ECPAS: variants seen among roughly 807,000 people sequenced by gnomAD.
The protein encoded by ECPAS is Ecm29 proteasome adaptor and scaffold.
A neutral mutation model predicts 255.1 loss-of-function variants in ECPAS; 70 were observed. The observed-to-expected ratio is 0.27, with a 90% CI of 0.23 to 0.33. The LOEUF is 0.33. Ranked by LOEUF, ECPAS falls within the 10% of genes least tolerant of loss-of-function variation. The pLI is 1.00. For synonymous variants in ECPAS, 784 were observed against 775.0 expected (o/e 1.01, Z -0.19); for missense variants, 1,817 against 2,206.4 (o/e 0.82, Z 3.54).
intron 16 of ECPAS, among the ~76,000 whole-genome samples, chr9:111,418,366 G>A (rs2098207804): frequency 6.6e-6 from 1 of 151,876 alleles, no homozygotes; most frequent in Non-Finnish European, 1.5e-5. Flanking sequence ...CTATCCAGTG[G>A]TCTACACACT....
At chr9:111,382,325 C>T (rs1391064602) in intron 35 of ECPAS, among the ~76,000 whole-genome samples, 5 of 139,756 alleles carry the variant, frequency 3.6e-5, no homozygotes, top group African/African-American at 1.4e-4. Context: ...AGTGCAATGG[C>T]GCAATCTGGG....
At chr9:111,449,437 A>T (rs1407026989) in intron 3 of ECPAS, among the ~76,000 whole-genome samples, 1 of 152,172 alleles carries the variant, frequency 6.6e-6, no homozygotes, top group East Asian at 1.9e-4. Context: ...TTCAGTAAAC[A>T]TTTAAAATCT....
At chr9:111,448,774 A>T (rs1714961127) in intron 3 of ECPAS, among the ~76,000 whole-genome samples, 1 of 152,186 alleles carries the variant, frequency 6.6e-6, no homozygotes, top group African/African-American at 2.4e-5. Context: ...CAATAAAACC[A>T]GGCAAATTTT....
At position 111,373,942 on chromosome 9, in the gene ECPAS, A is replaced by G. The variant is rs1191846190; in HGVS notation, c.4177+30T>C. ...TCACACAAGACAGGGCTGTGCAAAA[A>G]TATCACCACACATCCCTTGACAAAC... is the stretch of plus-strand genomic sequence containing the variant. On this transcript the variant is annotated intron_variant, in intron 39 of 49. Coordinates refer to ENST00000684092, the MANE Select transcript of ECPAS (RefSeq NM_001364929.1). 5 of 1,563,728 alleles carry G rather than the reference A, an allele frequency of 3.2e-6. No homozygotes were observed. The East Asian group carries it at 6.7e-5, about 21-fold the overall frequency.
intron 10 of ECPAS, 74 bp from the exon 11 acceptor site, chr9:111,425,902 T>A: frequency 1.4e-6 from 1 of 735,444 alleles, no homozygotes; most frequent in Admixed American, 2.2e-5. Flanking sequence ...GTAATCAGAA[T>A]TCAGCAGCAG....
Position 111,430,308 on chromosome 9 carries a change from T to C in ECPAS, c.930+239A>G, listed in dbSNP as rs184468418. On this transcript the variant is annotated intron_variant, in intron 9 of 49. Transcript: ENST00000684092. ...AGCCTACAAAATTTACAGAAAAAAT[T>C]TGTCAATCCCTACTCTAGACAGTTT... 1.5e-4 allele frequency among the ~76,000 whole-genome samples: 23 copies of C among 152,232 alleles called. No individual in the cohort carries two copies. In the East Asian group the frequency reaches 3.1e-3, roughly 20 times the overall value.
chr9:111,444,314 A>T, intron 4 of ECPAS, 64 bp downstream of exon 4: 2 of 1,075,304 alleles, frequency 1.9e-6, no homozygotes, highest in Non-Finnish European at 2.8e-6. Context: ...TGTTGATGAC[A>T]TCTAATAAAT....
intron 12 of ECPAS, among the ~76,000 whole-genome samples, chr9:111,424,825 G>A (rs972326122): frequency 6.6e-6 from 1 of 152,128 alleles, no homozygotes; most frequent in Non-Finnish European, 1.5e-5. Flanking sequence ...TTCCATTTTT[G>A]CACAATAGCT....
chr9:111,376,483 A>G lies in ECPAS; in HGVS notation c.4013T>C (p.Ile1338Thr). The change falls in exon 37 of 50, where the codon ATC becomes ACC. Residue 1338 changes from isoleucine (I) to threonine (T), a missense_variant. By Grantham distance (89) the Ile-to-Thr change is moderately conservative. Transcript: ENST00000684092. ...AAKSSPMMET[I>T]NMCLQYLDVS... Reference sequence around the variant, plus strand: ...ATTATTTAAGACACTCACCATGTTGATTGTTTCCATCATTGGAGAAGATTT... The same window carrying G: ...ATTATTTAAGACACTCACCATGTTGGTTGTTTCCATCATTGGAGAAGATTT... 6.3e-7 allele frequency: 1 copy of G among 1,594,122 alleles called. No individual in the cohort carries two copies. Among genetic ancestry groups the G allele is most frequent in the Non-Finnish European group, 8.6e-7 (1 of 1,169,382 alleles).
intron 2 of ECPAS, among the ~76,000 whole-genome samples, chr9:111,460,382 C>T (rs1357707699): frequency 1.3e-5 from 2 of 152,140 alleles, no homozygotes; most frequent in African/African-American, 4.8e-5. Flanking sequence ...AACATTATAT[C>T]TAAAGGTAAA....
intron 2 of ECPAS, among the ~76,000 whole-genome samples, chr9:111,460,871 T>C (rs545442281): frequency 6.6e-6 from 1 of 152,222 alleles, no homozygotes; most frequent in African/African-American, 2.4e-5. Flanking sequence ...CTATAGACAA[T>C]ATAATCCAAG....
At position 111,369,112 on chromosome 9, in the gene ECPAS, T is replaced by C. The variant is rs1333251879; in HGVS notation, c.5036A>G (p.Lys1679Arg). The C allele has an allele frequency of 2.5e-6, 4 of 1,607,012 alleles. No homozygotes were observed. In the Admixed American group the frequency reaches 6.8e-5, roughly 27 times the overall value. ...TKNEEENEKE[K>R]ELQLEYLLGA... ...CAGCAGATATTCCAGCTGGAGCTCC[T>C]TTTCCTTTTCATTCTCCTCTTCATT... The change falls in exon 46 of 50, where the codon AAG (lysine) becomes AGG (arginine). Residue 1679 changes from lysine (K) to arginine (R), a missense_variant. Coordinates refer to ENST00000684092, the MANE Select transcript of ECPAS (RefSeq NM_001364929.1).
rs187294925 is a variant in ECPAS, at chr9:111,374,924, A to T, written c.4110+189T>A. On this transcript the variant is annotated intron_variant, in intron 38 of 49. Coordinates refer to ENST00000684092, the MANE Select transcript of ECPAS (RefSeq NM_001364929.1). ...ACTAAATAAGTTAATACTTACTGGA[A>T]CAGTTAGATGTTTTATTTCTTGAAC... 1.9e-3 allele frequency among the ~76,000 whole-genome samples: 285 copies of T among 152,342 alleles called. 4 individuals are homozygous for T. The highest frequency in any genetic ancestry group is 6.1e-3 in the African/African-American group (252 of 41,580).
At chr9:111,458,830 T>A (rs1209540987) in intron 2 of ECPAS, among the ~76,000 whole-genome samples, 1 of 152,176 alleles carries the variant, frequency 6.6e-6, no homozygotes, top group Non-Finnish European at 1.5e-5. Flanking sequence ...ACACAAGCTT[T>A]GCATCTGGAA....
chr9:111,403,260 T>C (rs192410196), intron 24 of ECPAS, among the ~76,000 whole-genome samples: 1 of 151,150 alleles, frequency 6.6e-6, no homozygotes, highest in Admixed American at 6.6e-5. Flanking sequence ...CTTAGGAGGC[T>C]GAGGCAGGAG....
chr9:111,472,931 C>T lies in ECPAS; in HGVS notation c.-13G>A. 1.6e-6 allele frequency: 2 copies of T among 1,250,630 alleles called. No individual in the cohort carries two copies. The highest frequency in any genetic ancestry group is 2.1e-6 in the Non-Finnish European group (2 of 968,778). 77.5% of individuals were successfully genotyped at this position (1,250,630 alleles called of 1,614,324 possible). ...CAATGTGATACATGGTTTATCCAATCTTGACAAAAATCCTCGGGATCACCA... is the reference window on the plus strand; with the variant it reads ...CAATGTGATACATGGTTTATCCAATTTTGACAAAAATCCTCGGGATCACCA... On this transcript the variant is annotated 5_prime_UTR_variant, in exon 2 of 50. Coordinates refer to ENST00000684092, the MANE Select transcript of ECPAS (RefSeq NM_001364929.1).
Position 111,484,255 on chromosome 9 carries a change from G to A in ECPAS, c.-222C>T. ...TGAGGGGCTGGGCCGAGCGGGCCCG[G>A]GCTGCCCTAGCGGCCGGGGGAAATC... On this transcript the variant is annotated 5_prime_UTR_variant, in exon 1 of 50. Coordinates refer to ENST00000684092, the MANE Select transcript of ECPAS (RefSeq NM_001364929.1). 6.7e-7 allele frequency: 1 copy of A among 1,492,374 alleles called. No homozygotes were observed. Among genetic ancestry groups the A allele is most frequent in the Middle Eastern group, 2.0e-4 (1 of 4,934 alleles). The allele number at this position is 1,492,374 out of a possible 1,614,324, so 92.4% of individuals were successfully genotyped here.
intron 2 of ECPAS, among the ~76,000 whole-genome samples, chr9:111,454,212 AAAG>A (rs1433372079): frequency 1.3e-5 from 2 of 151,728 alleles, no homozygotes; most frequent in African/African-American, 4.8e-5. Flanking sequence ...AGAAACTGTA[AAAG>A]AAGTGTTCTG....
At chr9:111,376,642 A>T (rs922957401) in intron 36 of ECPAS, 101 bp from the exon 37 acceptor site, 2 of 782,288 alleles carry the variant, frequency 2.6e-6, no homozygotes, top group East Asian at 2.9e-5. Flanking sequence ...AAAGAACTTT[A>T]AAAAAAAATA....
Sources: allele counts gnomAD v4.1 joint callset (sites outside exome capture counted in the v4.1 genomes callset), GRCh38; gene constraint gnomAD v4.1.1; transcripts MANE v1.5; gene names NCBI Gene and HGNC (gene_info 2026-07-23, HGNC 2026-07-21).